The following WNT9B variants were observed in gnomAD, a reference collection of about 807,000 sequenced individuals.
WNT9B encodes Wnt family member 9B.
WNT9B carries 12 observed loss-of-function variants against 30.2 expected under a neutral mutation model. The observed-to-expected ratio is 0.40, with a 90% confidence interval of 0.26 to 0.64. WNT9B has a LOEUF of 0.64. WNT9B is among the 30% of genes least tolerant of loss of function. WNT9B has a pLI of 0.42. For missense variants in WNT9B, 442 were observed against 485.2 expected, an observed-to-expected ratio of 0.91 and a Z score of 0.84; for synonymous variants, 218 against 216.9, an observed-to-expected ratio of 1.01 and a Z score of -0.05.
chr17:46,879,678 A>T lies in WNT9B; in HGVS notation c.*2960A>T, dbSNP rs143233892. ...TAAGAGACTTGTTCAATGAATATTT[A>T]CTGAACATCTCCATAGACCAGGCAC... On this transcript the variant is annotated 3_prime_UTR_variant, in exon 4 of 4. Coordinates refer to ENST00000290015, the MANE Select transcript of WNT9B (RefSeq NM_003396.3). 5.4e-4 allele frequency among the ~76,000 whole-genome samples: 83 copies of T among 152,332 alleles called. 1 individual carries two copies. Among genetic ancestry groups the T allele is most frequent in the African/African-American group, 1.9e-3 (79 of 41,578 alleles).
downstream of WNT9B, chr17:46,884,922 T>A: frequency 2.9e-6 from 1 of 348,636 alleles, no homozygotes; most frequent in South Asian, 2.1e-5. Flanking sequence ...CAGTGAAATT[T>A]GTGAACTCCC....
intron 1 of WNT9B, among the ~76,000 whole-genome samples, chr17:46,864,273 C>T (rs537231664): frequency 2.0e-5 from 3 of 152,174 alleles, no homozygotes; most frequent in Non-Finnish European, 4.4e-5. Flanking sequence ...ACCAGGAGTG[C>T]GGTTTCAGCC....
chr17:46,879,346 G>A lies in WNT9B; in HGVS notation c.*2628G>A, dbSNP rs1530365. On this transcript the variant is annotated 3_prime_UTR_variant, in exon 4 of 4. Coordinates refer to ENST00000290015, the MANE Select transcript of WNT9B (RefSeq NM_003396.3). ...TCTCGGAGCTGGTAAGCACATGTCC[G>A]CTCTGTGATGAGCCCTGGTGGGCTC... Among the ~76,000 whole-genome samples, 2 of 151,840 alleles carry A rather than the reference G, an allele frequency of 1.3e-5. No individual in the cohort carries two copies. The highest frequency in any genetic ancestry group is 1.9e-4 in the East Asian group (1 of 5,148).
intron 2 of WNT9B, 94 bp downstream of exon 2, chr17:46,872,867 TC>T: frequency 7.0e-7 from 1 of 1,425,106 alleles, no homozygotes; most frequent in Non-Finnish European, 9.3e-7. Flanking sequence ...TTTTCCTGGC[TC>T]CCGTGCCCAG....
intron 1 of WNT9B, among the ~76,000 whole-genome samples, chr17:46,860,673 G>A (rs2085022023): frequency 6.6e-6 from 1 of 152,238 alleles, no homozygotes; most frequent in African/African-American, 2.4e-5. Context: ...AGCGTCCCAC[G>A]TTTAGAAGAG....
chr17:46,866,525 G>C (rs1279102393), intron 1 of WNT9B, among the ~76,000 whole-genome samples: 5 of 152,010 alleles, frequency 3.3e-5, no homozygotes, highest in Non-Finnish European at 5.9e-5. Context: ...GAGGTAGACT[G>C]AGACGTTTGA....
Position 46,875,340 on chromosome 17 carries a change from G to A in WNT9B, c.574G>A (p.Ala192Thr), listed in dbSNP as rs188845108. ...CAAGGACCTGCGGGCACGGGCAGAC[G>A]CCCACAATACCCACGTGGGCATCAA... ...GNKDLRARAD[A>T]HNTHVGIKAV... The change falls in exon 3 of 4, where the codon GCC (alanine) becomes ACC (threonine). Residue 192 changes from alanine (A) to threonine (T), a missense_variant. By Grantham distance (58) the Ala-to-Thr change is moderately conservative. Transcript: ENST00000290015. 65 of 1,610,560 alleles carry A rather than the reference G, an allele frequency of 4.0e-5. No individual in the cohort carries two copies. Among genetic ancestry groups the A allele is most frequent in the South Asian group, 5.5e-5 (5 of 90,716 alleles).
chr17:46,879,345 C>T lies in WNT9B; in HGVS notation c.*2627C>T, dbSNP rs1190423490. On this transcript the variant is annotated 3_prime_UTR_variant, in exon 4 of 4. Transcript: ENST00000290015. Reference sequence around the variant, plus strand: ...GTCTCGGAGCTGGTAAGCACATGTCCGCTCTGTGATGAGCCCTGGTGGGCT... The same window carrying T: ...GTCTCGGAGCTGGTAAGCACATGTCTGCTCTGTGATGAGCCCTGGTGGGCT... Among the ~76,000 whole-genome samples the T allele has an allele frequency of 6.6e-6, 1 of 152,064 alleles. No individual in the cohort carries two copies. Among genetic ancestry groups the T allele is most frequent in the Non-Finnish European group, 1.5e-5 (1 of 68,018 alleles).
At position 46,875,022 on chromosome 17, in the gene WNT9B, C is replaced by T. The variant is rs569419861; in HGVS notation, c.335-79C>T. 1.2e-4 allele frequency: 193 copies of T among 1,608,420 alleles called. No individual in the cohort carries two copies. The South Asian group carries it at 1.6e-3, about 13-fold the overall frequency. On this transcript the variant is annotated intron_variant, in intron 2 of 3. Transcript: ENST00000290015. Reference sequence around the variant, plus strand: ...ACCACCGCCTCTGGCCCTCAGAGGGCGGCAGGCAACCTCTAAGCTTCCTCC... The same window carrying T: ...ACCACCGCCTCTGGCCCTCAGAGGGTGGCAGGCAACCTCTAAGCTTCCTCC...
intron 1 of WNT9B, among the ~76,000 whole-genome samples, chr17:46,871,586 T>C (rs2085244831): frequency 6.6e-6 from 1 of 152,116 alleles, no homozygotes; most frequent in South Asian, 2.1e-4. Flanking sequence ...CCAGGCACTG[T>C]GGTTAGTCCA....
At chr17:46,852,739 T>C (rs1201967885) in intron 1 of WNT9B, among the ~76,000 whole-genome samples, 3 of 151,980 alleles carry the variant, frequency 2.0e-5, no homozygotes, top group African/African-American at 4.8e-5. Flanking sequence ...CCCAAATCAA[T>C]AGGAGGCTTA....
In WNT9B at chr17:46,876,739, G is replaced by A; in HGVS notation, c.*21G>A. The stretch of plus-strand genomic sequence containing the variant: ...ACTAGGCCTACTGCCCAGCAAGCCA[G>A]TCTGGCACTGCCAGGACCTCCTGTG... On this transcript the variant is annotated 3_prime_UTR_variant, in exon 4 of 4. Transcript: ENST00000290015. The A allele has an allele frequency of 1.3e-6, 2 of 1,520,388 alleles. No individual in the cohort carries two copies. The highest frequency in any genetic ancestry group is 1.8e-6 in the Non-Finnish European group (2 of 1,130,716). The allele number at this position is 1,520,388 out of a possible 1,614,324, so 94.2% of individuals were successfully genotyped here. A position where few individuals can be genotyped will look rare whatever the true frequency, so the allele number is the denominator to read the frequency against.
chr17:46,845,787 T>TC (rs2084769420), intron 1 of WNT9B, among the ~76,000 whole-genome samples: 1 of 23,088 alleles, frequency 4.3e-5, no homozygotes, highest in Non-Finnish European at 6.1e-5. Context: ...TGTGCTGGCT[T>TC]TTTTTTTTTT....
At chr17:46,840,959 AAGC>A (rs1304975406) in intron 1 of WNT9B, among the ~76,000 whole-genome samples, 2 of 152,190 alleles carry the variant, frequency 1.3e-5, no homozygotes, top group Non-Finnish European at 2.9e-5. Flanking sequence ...TGGAGGCAGA[AAGC>A]AGCCGGTTCT....
rs1256516278 is a variant in WNT9B, at chr17:46,855,143, G to A, written c.77+3428G>A. Among the ~76,000 whole-genome samples the A allele has an allele frequency of 2.6e-5, 4 of 152,310 alleles. No homozygotes were observed. The East Asian group carries it at 5.8e-4, about 22-fold the overall frequency. ...AATAGAAACCCTGCTTCCAGTCTGG[G>A]CCCTTCAACCTACAGGAACAGCCTC... On this transcript the variant is annotated intron_variant, in intron 1 of 3. Transcript: ENST00000290015.
intron 1 of WNT9B, among the ~76,000 whole-genome samples, chr17:46,866,412 GTGTA>G (rs1454628020): frequency 6.6e-5 from 10 of 152,090 alleles, no homozygotes; most frequent in Admixed American, 2.0e-4. Flanking sequence ...GTGTGCATGA[GTGTA>G]TGTGCGAGTA....
downstream of WNT9B, among the ~76,000 whole-genome samples, chr17:46,883,267 C>T (rs1294673464): frequency 1.3e-5 from 2 of 151,006 alleles, no homozygotes; most frequent in Non-Finnish European, 2.9e-5. Flanking sequence ...CAGGCGTGAG[C>T]TACTGCGCCC....
At position 46,877,558 on chromosome 17, in the gene WNT9B, G is replaced by A. The variant is rs2085365362; in HGVS notation, c.*840G>A. 6.6e-6 allele frequency among the ~76,000 whole-genome samples: 1 copy of A among 152,176 alleles called. No individual in the cohort carries two copies. The highest frequency in any genetic ancestry group is 1.9e-4 in the East Asian group (1 of 5,178). On this transcript the variant is annotated 3_prime_UTR_variant, in exon 4 of 4. Transcript: ENST00000290015. ...CAGGGAGACAACGGCCCCTCCCTGT[G>A]TTCCCTGCTGGCCAAAGGAATCTTC...
chr17:46,834,649 C>T lies in WNT9B; in HGVS notation c.95+1209C>T, dbSNP rs183362894. ...GGCTGGGCACAGGCTTGGTCCTTCT[C>T]GCCTGCCTCCTCCCCTTCCCTGTCC... On this transcript the variant is annotated intron_variant, in intron 1 of 2. Coordinates refer to the WNT9B transcript ENST00000575372. Among the ~76,000 whole-genome samples the T allele has an allele frequency of 4.7e-3, 715 of 152,246 alleles. 3 individuals carry two copies. Among genetic ancestry groups the T allele is most frequent in the Non-Finnish European group, 7.5e-3 (509 of 68,004 alleles).
Sources: gnomAD v4.1 joint callset for allele counts (sites outside exome capture counted in the v4.1 genomes callset) on GRCh38, gnomAD v4.1.1 for gene constraint, MANE v1.5 for transcripts, NCBI Gene and HGNC (gene_info 2026-07-23, HGNC 2026-07-21) for gene names.